RBFOX1: variants seen among roughly 807,000 people sequenced by gnomAD.
RBFOX1 encodes the protein RNA binding fox-1 homolog 1.
A neutral mutation model predicts 57.7 loss-of-function variants in RBFOX1; 8 were observed. The ratio of observed to expected loss-of-function variants is 0.14; its 90% CI spans 0.08 to 0.25. RBFOX1 has a LOEUF of 0.25. Among genes scored for constraint, RBFOX1 ranks in the 10% least tolerant of loss-of-function variants. The pLI, the probability that RBFOX1 is intolerant of heterozygous loss-of-function variation, is 1.00. For synonymous variants in RBFOX1, 326 were observed against 222.4 expected (o/e 1.47, Z -4.15); for missense variants, 611 against 548.5 (o/e 1.11, Z -1.14).
chr16:6,799,826 A>C (rs1468681675), intron 3 of RBFOX1, among the ~76,000 whole-genome samples: 2 of 152,124 alleles, frequency 1.3e-5, no homozygotes, highest in Non-Finnish European at 2.9e-5. Flanking sequence ...CTTTAGCCAC[A>C]GACTGAAGGC....
intron 1 of RBFOX1, among the ~76,000 whole-genome samples, chr16:6,028,333 G>T (rs920744085): frequency 6.6e-6 from 1 of 152,054 alleles, no homozygotes; most frequent in East Asian, 1.9e-4. Flanking sequence ...AGAAAGTGCA[G>T]TAGTTTCCTT....
At chr16:7,170,789 A>C (rs1190641425) in intron 4 of RBFOX1, among the ~76,000 whole-genome samples, 1 of 152,158 alleles carries the variant, frequency 6.6e-6, no homozygotes, top group African/African-American at 2.4e-5. Context: ...GAAAACATGT[A>C]GCTTATTAAG....
chr16:5,985,533 C>A (rs1446620943), intron 4 of RBFOX1, among the ~76,000 whole-genome samples: 2 of 152,234 alleles, frequency 1.3e-5, no homozygotes, highest in South Asian at 4.2e-4. Flanking sequence ...TACTTTTGCA[C>A]CCATCTAATA....
At chr16:6,823,692 T>C (rs1249024242) in intron 3 of RBFOX1, among the ~76,000 whole-genome samples, 3 of 152,228 alleles carry the variant, frequency 2.0e-5, no homozygotes, top group Admixed American at 2.0e-4. Context: ...CTTCCCTTTT[T>C]CATTCATTTG....
intron 1 of RBFOX1, among the ~76,000 whole-genome samples, chr16:6,118,203 T>G (rs1032470465): frequency 6.6e-6 from 1 of 152,164 alleles, no homozygotes; most frequent in Non-Finnish European, 1.5e-5. Context: ...GTTTACAAGA[T>G]TTTACTCCAG....
chr16:7,256,130 T>G (rs1006909748), intron 4 of RBFOX1, among the ~76,000 whole-genome samples: 2 of 152,228 alleles, frequency 1.3e-5, no homozygotes, highest in African/African-American at 4.8e-5. Context: ...AATGCACTGT[T>G]AAAAATAAAT....
At chr16:7,018,589 A>G (rs1369569462) in intron 3 of RBFOX1, among the ~76,000 whole-genome samples, 5 of 152,104 alleles carry the variant, frequency 3.3e-5, no homozygotes, top group African/African-American at 4.8e-5. Flanking sequence ...TTGGGTATTT[A>G]CCCAGTAATG....
At chr16:5,871,911 C>A (rs887196341) in intron 4 of RBFOX1, among the ~76,000 whole-genome samples, 5 of 152,154 alleles carry the variant, frequency 3.3e-5, no homozygotes, top group African/African-American at 1.2e-4. Flanking sequence ...GCTCTGCTAT[C>A]CCAAATAATT....
At chr16:5,285,172 T>A (rs1173929698) in intron 1 of RBFOX1, among the ~76,000 whole-genome samples, 7 of 152,210 alleles carry the variant, frequency 4.6e-5, no homozygotes, top group Non-Finnish European at 1.5e-5. Flanking sequence ...TTTGTCTGAC[T>A]GGATTATTTT....
chr16:5,822,656 A>T (rs185992128), intron 3 of RBFOX1, among the ~76,000 whole-genome samples: 9 of 152,304 alleles, frequency 5.9e-5, no homozygotes, highest in Non-Finnish European at 1.2e-4. Flanking sequence ...TACAAGAATT[A>T]CGGAATTATG....
At chr16:6,309,614 C>T (rs930200037) in intron 1 of RBFOX1, among the ~76,000 whole-genome samples, 1 of 151,794 alleles carries the variant, frequency 6.6e-6, no homozygotes, top group Non-Finnish European at 1.5e-5. Flanking sequence ...TCCTGTAAGG[C>T]CAAGACAGGA....
At chr16:5,758,793 G>T (rs2053486931) in intron 3 of RBFOX1, among the ~76,000 whole-genome samples, 3 of 152,210 alleles carry the variant, frequency 2.0e-5, no homozygotes, top group Admixed American at 2.0e-4. Flanking sequence ...TGGGAGAAAG[G>T]TTATGAATGC....
chr16:7,103,615 T>C (rs764123366), intron 4 of RBFOX1, among the ~76,000 whole-genome samples: 1 of 152,224 alleles, frequency 6.6e-6, no homozygotes, highest in Non-Finnish European at 1.5e-5. Context: ...ATGATTTCTC[T>C]TCTTCACCTC....
At chr16:7,706,039 T>C (rs1218285031) in intron 14 of RBFOX1, among the ~76,000 whole-genome samples, 1 of 152,174 alleles carries the variant, frequency 6.6e-6, no homozygotes, top group Non-Finnish European at 1.5e-5. Flanking sequence ...TGGGTATTGC[T>C]GTGCTCTGTC....
At chr16:5,545,342 G>A (rs979459215) in intron 2 of RBFOX1, among the ~76,000 whole-genome samples, 1 of 152,064 alleles carries the variant, frequency 6.6e-6, no homozygotes, top group Non-Finnish European at 1.5e-5. Flanking sequence ...CCAGGAAATT[G>A]AAGAGGAAAG....
chr16:7,343,276 T>G (rs947489655), intron 4 of RBFOX1, among the ~76,000 whole-genome samples: 16 of 152,184 alleles, frequency 1.1e-4, no homozygotes, highest in Admixed American at 2.0e-4. Context: ...ATTGTAGCTC[T>G]GAGTCGCTTC....
At chr16:7,462,729 G>A (rs1162154703) in intron 4 of RBFOX1, among the ~76,000 whole-genome samples, 2 of 152,224 alleles carry the variant, frequency 1.3e-5, no homozygotes, top group Non-Finnish European at 2.9e-5. Context: ...GGCCCTCAAA[G>A]CTTTGCTGGC....
chr16:6,908,705 C>G (rs1456455163), intron 3 of RBFOX1, among the ~76,000 whole-genome samples: 1 of 152,098 alleles, frequency 6.6e-6, no homozygotes, highest in East Asian at 1.9e-4. Flanking sequence ...AGGGCAGGCT[C>G]CAGGGTCAGA....
At chr16:5,563,575 T>G (rs1225508872) in intron 2 of RBFOX1, among the ~76,000 whole-genome samples, 3 of 152,210 alleles carry the variant, frequency 2.0e-5, no homozygotes, top group African/African-American at 7.2e-5. Flanking sequence ...AATTTGATGC[T>G]GTTGAGTTGT....
Sources: allele counts gnomAD v4.1 joint callset (sites outside exome capture counted in the v4.1 genomes callset), GRCh38; gene constraint gnomAD v4.1.1; transcripts MANE v1.5; gene names NCBI Gene and HGNC (gene_info 2026-07-23, HGNC 2026-07-21).